The following DGKG variants were observed in gnomAD, a reference collection of about 807,000 sequenced individuals.
DGKG encodes the protein diacylglycerol kinase gamma, also known as DAG kinase gamma.
In DGKG, 78 loss-of-function variants were observed where a neutral mutation model predicts 105.3. That is an observed-to-expected ratio of 0.74 (90% CI 0.62 to 0.89). DGKG has a LOEUF of 0.89. Among genes scored for constraint, DGKG ranks in the 40% least tolerant of loss-of-function variants. The probability of loss-of-function intolerance (pLI) is 0.00; values close to 1 mark genes in which losing one functional copy is unlikely to be tolerated. For synonymous variants in DGKG, 346 were observed against 367.1 expected, an observed-to-expected ratio of 0.94 and a Z score of 0.66; for missense variants, 958 against 1,020.1, an observed-to-expected ratio of 0.94 and a Z score of 0.83.
intron 24 of DGKG, chr3:186,158,661 C>T: frequency 1.3e-5 from 12 of 942,632 alleles, no homozygotes; most frequent in Non-Finnish European, 1.5e-5. Context: ...TTATTTCATC[C>T]AAGCATTTAT....
intron 1 of DGKG, among the ~76,000 whole-genome samples, chr3:186,325,421 C>A (rs1179248779): frequency 6.6e-6 from 1 of 152,138 alleles, no homozygotes; most frequent in Non-Finnish European, 1.5e-5. Context: ...AATCAGCTGG[C>A]AGTAGTCAAG....
intron 20 of DGKG, among the ~76,000 whole-genome samples, chr3:186,237,682 T>A (rs1720482900): frequency 6.6e-6 from 1 of 152,232 alleles, no homozygotes; most frequent in Non-Finnish European, 1.5e-5. Flanking sequence ...ACATCAGTGC[T>A]TGCTCAATGA....
intron 21 of DGKG, among the ~76,000 whole-genome samples, chr3:186,189,001 G>A (rs1210869006): frequency 6.6e-6 from 1 of 152,000 alleles, no homozygotes; most frequent in Non-Finnish European, 1.5e-5. Flanking sequence ...TTTTAGTAGA[G>A]ACGGGGTTTC....
intron 20 of DGKG, among the ~76,000 whole-genome samples, chr3:186,216,109 A>C (rs1389890972): frequency 6.6e-6 from 1 of 151,750 alleles, no homozygotes; most frequent in Non-Finnish European, 1.5e-5. Context: ...AGCGATTCTC[A>C]TGCCTCAGCC....
rs1355069770 is a variant in DGKG, at chr3:186,290,959, GA to G, written c.374-2080del. Among the ~76,000 whole-genome samples the G allele has an allele frequency of 5.3e-5, 8 of 152,352 alleles. No homozygotes were observed. The East Asian group carries it at 1.3e-3, about 26-fold the overall frequency. On this transcript the variant is annotated intron_variant, in intron 5 of 24. Transcript: ENST00000265022. ...ATGCCTATTCCCACCAACCAGGGTA[GA>G]AACCCCCCATAATTCGTGAATCATT...
chr3:186,294,409 A>G (rs537180397), intron 5 of DGKG, among the ~76,000 whole-genome samples: 37 of 152,146 alleles, frequency 2.4e-4, no homozygotes, highest in Middle Eastern at 3.4e-3. Context: ...GATGGCATGC[A>G]CCTGTAATCC....
chr3:186,335,860 C>CA (rs1463125139), intron 1 of DGKG, among the ~76,000 whole-genome samples: 1 of 152,038 alleles, frequency 6.6e-6, no homozygotes, highest in Non-Finnish European at 1.5e-5. Flanking sequence ...TTTAAAATAG[C>CA]AAAAAATCGA....
At chr3:186,323,153 C>T (rs1725161316) in intron 1 of DGKG, among the ~76,000 whole-genome samples, 1 of 152,204 alleles carries the variant, frequency 6.6e-6, no homozygotes, top group Admixed American at 6.5e-5. Context: ...GTAGTTTCTA[C>T]TGCCTGTAGA....
At chr3:186,342,176 T>A (rs1726121207) in intron 1 of DGKG, among the ~76,000 whole-genome samples, 1 of 151,926 alleles carries the variant, frequency 6.6e-6, no homozygotes, top group African/African-American at 2.4e-5. Context: ...TAAAAAAAAA[T>A]ACTAGAAACT....
rs1401988390 is a variant in DGKG, at chr3:186,251,927, G to A, written c.1601-8C>T. The A allele has an allele frequency of 5.2e-6, 8 of 1,551,978 alleles. No homozygotes were observed. Among genetic ancestry groups the A allele is most frequent in the Non-Finnish European group, 7.0e-6 (8 of 1,147,672 alleles). On this transcript the variant is annotated splice_region_variant and splice_polypyrimidine_tract_variant and intron_variant, in intron 18 of 24. Transcript: ENST00000265022. ...AGCTGCCCCCTTCATAACCTGTGGAGGACAGCACTGCATTTGCCACCACAG... is the reference window on the plus strand; with the variant it reads ...AGCTGCCCCCTTCATAACCTGTGGAAGACAGCACTGCATTTGCCACCACAG...
chr3:186,299,837 CT>C lies in DGKG; in HGVS notation c.145-1609del, dbSNP rs67637144. On this transcript the variant is annotated intron_variant, in intron 3 of 24. Coordinates refer to ENST00000265022, the MANE Select transcript of DGKG (RefSeq NM_001346.3). ...TCTTTCTTTCTTTCTTTCTTTCTTTCTTTTTTTTTTTTTTTGAGATAGAGCC... is the reference window on the plus strand; with the variant it reads ...TCTTTCTTTCTTTCTTTCTTTCTTTCTTTTTTTTTTTTTTGAGATAGAGCC... Among the ~76,000 whole-genome samples the C allele has an allele frequency of 9.5e-3, 858 of 89,980 alleles. 22 individuals are homozygous for C. The highest frequency in any genetic ancestry group is 0.022 in the Middle Eastern group (4 of 182). 59.0% of individuals were successfully genotyped at this position (89,980 alleles called of 152,430 possible).
intron 21 of DGKG, among the ~76,000 whole-genome samples, chr3:186,206,181 C>T (rs992214834): frequency 3.9e-5 from 6 of 152,166 alleles, no homozygotes; most frequent in African/African-American, 1.2e-4. Context: ...GTCAGGAGTT[C>T]GAGACCATCC....
In DGKG at chr3:186,332,066, T is replaced by G. The variant is rs117152674; in HGVS notation, c.-248-11359A>C. 7.3e-4 allele frequency among the ~76,000 whole-genome samples: 111 copies of G among 152,270 alleles called. No individual in the cohort carries two copies. In the East Asian group the frequency reaches 0.019, roughly 25 times the overall value. On this transcript the variant is annotated intron_variant, in intron 1 of 24. Coordinates refer to ENST00000265022, the MANE Select transcript of DGKG (RefSeq NM_001346.3). Reference sequence around the variant, plus strand: ...TGAATGAGTGCTGAGTACCTAAGTGTTGAGCCTGTGCAGGTACAGATGCCA... The same window carrying G: ...TGAATGAGTGCTGAGTACCTAAGTGGTGAGCCTGTGCAGGTACAGATGCCA...
rs569764818 is a variant in DGKG at position 186,161,394 on chromosome 3, C to T, written c.2277+209G>A. On this transcript the variant is annotated intron_variant, in intron 24 of 24. Coordinates refer to ENST00000265022, the MANE Select transcript of DGKG (RefSeq NM_001346.3). ...ATGTCTCATTCAATTTTGTGACCGGCGCTTCACAGTGTCTGGCATATAGCA... is the reference window on the plus strand; with the variant it reads ...ATGTCTCATTCAATTTTGTGACCGGTGCTTCACAGTGTCTGGCATATAGCA... The T allele has an allele frequency of 8.4e-4, 1,186 of 1,404,368 alleles. 8 individuals are homozygous for T. Among genetic ancestry groups the T allele is most frequent in the South Asian group, 8.4e-3 (547 of 65,178 alleles). 87.0% of individuals were successfully genotyped at this position (1,404,368 alleles called of 1,614,324 possible).
chr3:186,216,814 C>T (rs181697826), intron 20 of DGKG, among the ~76,000 whole-genome samples: 2 of 152,112 alleles, frequency 1.3e-5, no homozygotes, highest in African/African-American at 4.8e-5. Context: ...GTTGGAGGAC[C>T]GTTGCTGCAG....
chr3:186,250,960 G>A (rs922977565), intron 19 of DGKG, among the ~76,000 whole-genome samples: 3 of 151,236 alleles, frequency 2.0e-5, no homozygotes, highest in South Asian at 4.2e-4. Flanking sequence ...CTCCTGTTCC[G>A]ATCCTGTTCA....
intron 10 of DGKG, among the ~76,000 whole-genome samples, chr3:186,272,573 CT>C (rs1222771885): frequency 4.6e-5 from 7 of 152,324 alleles, no homozygotes; most frequent in Admixed American, 4.6e-4. Flanking sequence ...GCTTCACTGC[CT>C]TCCTCTGCAG....
At chr3:186,278,636 G>A (rs1455168004) in intron 9 of DGKG, among the ~76,000 whole-genome samples, 1 of 152,154 alleles carries the variant, frequency 6.6e-6, no homozygotes, top group Non-Finnish European at 1.5e-5. Flanking sequence ...TCTCCTTAGA[G>A]CTTGGAAAGC....
At chr3:186,291,901 C>T (rs1430417724) in intron 5 of DGKG, among the ~76,000 whole-genome samples, 2 of 152,146 alleles carry the variant, frequency 1.3e-5, no homozygotes, top group Admixed American at 1.3e-4. Context: ...CAATTTACAA[C>T]TCAATCCTTG....
Sources: gnomAD v4.1 joint callset for allele counts (sites outside exome capture counted in the v4.1 genomes callset) on GRCh38, gnomAD v4.1.1 for gene constraint, MANE v1.5 for transcripts, NCBI Gene and HGNC (gene_info 2026-07-23, HGNC 2026-07-21) for gene names.